DNM3: variants seen among roughly 807,000 people sequenced by gnomAD.
DNM3 encodes the protein dynamin 3, also known as dynamin-3.
Under a neutral mutation model 101.6 loss-of-function variants are expected in DNM3, and 47 were observed. That is an observed-to-expected ratio of 0.46 (90% CI 0.37 to 0.59). The LOEUF (loss-of-function observed/expected upper bound fraction) is 0.59. DNM3 is among the 20% of genes least tolerant of loss of function. The pLI, the probability that DNM3 is intolerant of heterozygous loss-of-function variation, is 0.00. For missense variants in DNM3, 849 were observed against 1,085.7 expected (o/e 0.78, Z 3.06); for synonymous variants, 385 against 387.9 (o/e 0.99, Z 0.09).
chr1:172,214,821 T>G (rs2060636931), intron 14 of DNM3, among the ~76,000 whole-genome samples: 1 of 152,120 alleles, frequency 6.6e-6, no homozygotes, highest in Admixed American at 6.6e-5. Context: ...CTGCAATTAG[T>G]GTATTTTAAA....
At chr1:172,202,707 A>G (rs2148490748) in intron 14 of DNM3, among the ~76,000 whole-genome samples, 1 of 152,280 alleles carries the variant, frequency 6.6e-6, no homozygotes, top group East Asian at 1.9e-4. Context: ...GTCTGAGAAC[A>G]CCACAGATAT....
chr1:171,930,856 C>T (rs1232557114), intron 2 of DNM3, among the ~76,000 whole-genome samples: 1 of 152,180 alleles, frequency 6.6e-6, no homozygotes, highest in East Asian at 1.9e-4. Flanking sequence ...CCATCTTGGC[C>T]ACCTCTCATC....
Position 172,308,848 on chromosome 1 carries a change from G to A in DNM3, c.1881+9G>A. 1 of 1,503,260 alleles carries A rather than the reference G, an allele frequency of 6.7e-7. No individual in the cohort carries two copies. The highest frequency in any genetic ancestry group is 9.2e-7 in the Non-Finnish European group (1 of 1,087,402). 93.1% of individuals were successfully genotyped at this position (1,503,260 alleles called of 1,614,324 possible). A position where few individuals can be genotyped will look rare whatever the true frequency, so the allele number is the denominator to read the frequency against. On this transcript the variant is annotated intron_variant, in intron 16 of 20. Transcript: ENST00000627582. ...ATCCTGACAAATCTGTAGTAAGTTG[G>A]ATATATCTCTTATGTAAAAATTATT...
intron 14 of DNM3, among the ~76,000 whole-genome samples, chr1:172,158,772 A>G (rs1572764808): frequency 2.0e-5 from 3 of 152,194 alleles, no homozygotes; most frequent in Admixed American, 2.0e-4. Flanking sequence ...GTTTGATGTA[A>G]AATAGAGAAA....
intron 2 of DNM3, among the ~76,000 whole-genome samples, chr1:171,955,856 G>A (rs2042819117): frequency 6.6e-6 from 1 of 152,146 alleles, no homozygotes; most frequent in Admixed American, 6.5e-5. Flanking sequence ...GACAATCATG[G>A]CAGAAGGTGA....
intron 2 of DNM3, among the ~76,000 whole-genome samples, chr1:171,981,326 G>C (rs1440611305): frequency 6.6e-6 from 1 of 152,052 alleles, no homozygotes; most frequent in African/African-American, 2.4e-5. Context: ...AAAATTTTGA[G>C]GAACCTTGAT....
At chr1:171,871,759 T>G (rs1209131937) in intron 1 of DNM3, among the ~76,000 whole-genome samples, 2 of 152,170 alleles carry the variant, frequency 1.3e-5, no homozygotes. Context: ...TCTGGAATGT[T>G]AGATTCTGTG....
chr1:172,137,974 T>A (rs936533320), intron 14 of DNM3: 1 of 152,182 alleles, frequency 6.6e-6, no homozygotes, highest in African/African-American at 2.4e-5. Flanking sequence ...ATGAATTGCC[T>A]GAACATCTCA....
chr1:172,306,694 G>T (rs2064834185), intron 15 of DNM3, among the ~76,000 whole-genome samples: 1 of 152,118 alleles, frequency 6.6e-6, no homozygotes, highest in Admixed American at 6.5e-5. Flanking sequence ...ATAGACCAAT[G>T]GGACAGAACA....
At chr1:172,193,078 G>A (rs936287408) in intron 14 of DNM3, among the ~76,000 whole-genome samples, 4 of 151,968 alleles carry the variant, frequency 2.6e-5, no homozygotes, top group Non-Finnish European at 1.5e-5. Flanking sequence ...TCTAACTGGT[G>A]TGAGATGGTA....
intron 14 of DNM3, among the ~76,000 whole-genome samples, chr1:172,136,297 G>A (rs1243994165): frequency 1.3e-5 from 2 of 152,148 alleles, no homozygotes; most frequent in Non-Finnish European, 2.9e-5. Context: ...CAAAATGACA[G>A]TTATATCCCT....
intron 14 of DNM3, among the ~76,000 whole-genome samples, chr1:172,141,499 C>T (rs915610108): frequency 1.3e-5 from 2 of 152,168 alleles, no homozygotes; most frequent in African/African-American, 2.4e-5. Context: ...TAAGTGAAAG[C>T]TTTGGCGTCT....
At chr1:172,067,468 T>G (rs1224576384) in intron 10 of DNM3, among the ~76,000 whole-genome samples, 1 of 152,088 alleles carries the variant, frequency 6.6e-6, no homozygotes, top group Non-Finnish European at 1.5e-5. Context: ...CCTCTCTACT[T>G]TTCTAGCTTT....
At chr1:172,076,585 C>T (rs116216885) in intron 11 of DNM3, among the ~76,000 whole-genome samples, 1,969 of 152,066 alleles carry the variant, frequency 0.013, 41 homozygotes, top group African/African-American at 0.045. Flanking sequence ...ATGTGGTTTA[C>T]GTCATTGATT....
rs1401787641 is a variant in DNM3 at position 172,411,173 on chromosome 1, T to G, written c.*3332T>G. Reference sequence around the variant, plus strand: ...TGTGGTATCAGGATATTTTTTAAACTGTGATAATACAACAGATAGCTTTGA... The same window carrying G: ...TGTGGTATCAGGATATTTTTTAAACGGTGATAATACAACAGATAGCTTTGA... On this transcript the variant is annotated 3_prime_UTR_variant, in exon 21 of 21. Coordinates refer to ENST00000627582, the MANE Select transcript of DNM3 (RefSeq NM_015569.5). 1.0e-6 allele frequency: 1 copy of G among 985,268 alleles called. No individual in the cohort carries two copies. Among genetic ancestry groups the G allele is most frequent in the East Asian group, 1.1e-4 (1 of 8,820 alleles). The allele number at this position is 985,268 out of a possible 1,614,324, so 61.0% of individuals were successfully genotyped here. A position where few individuals can be genotyped will look rare whatever the true frequency, so the allele number is the denominator to read the frequency against.
At chr1:172,264,995 G>T (rs1372117928) in intron 15 of DNM3, among the ~76,000 whole-genome samples, 1 of 152,136 alleles carries the variant, frequency 6.6e-6, no homozygotes, top group African/African-American at 2.4e-5. Flanking sequence ...ATTGTGTAGG[G>T]ATTTCAGTTT....
intron 13 of DNM3, among the ~76,000 whole-genome samples, chr1:172,130,677 T>C (rs912349255): frequency 6.6e-6 from 1 of 152,184 alleles, no homozygotes; most frequent in Admixed American, 6.6e-5. Context: ...TATTTAGGAC[T>C]AACAAGGGGC....
At position 172,237,932 on chromosome 1, in the gene DNM3, C is replaced by T. The variant is rs576854085; in HGVS notation, c.1660-15641C>T. On this transcript the variant is annotated intron_variant, in intron 14 of 20. Coordinates refer to ENST00000627582, the MANE Select transcript of DNM3 (RefSeq NM_015569.5). ...CTCAGGCTCCCCTGTACTGGGTGAC[C>T]CCACCAGTCTGCTGCCACTTTCATT... is the stretch of plus-strand genomic sequence containing the variant. Among the ~76,000 whole-genome samples, 274 of 152,212 alleles carry T rather than the reference C, an allele frequency of 1.8e-3. 1 individual carries two copies. The highest frequency in any genetic ancestry group is 6.0e-3 in the African/African-American group (251 of 41,552).
chr1:172,188,205 C>T (rs2148423295), intron 14 of DNM3, among the ~76,000 whole-genome samples: 1 of 152,172 alleles, frequency 6.6e-6, no homozygotes, highest in Admixed American at 6.6e-5. Flanking sequence ...TGATATTACT[C>T]CTATTTCACA....
Sources: gnomAD v4.1 joint callset for allele counts (sites outside exome capture counted in the v4.1 genomes callset) on GRCh38, gnomAD v4.1.1 for gene constraint, MANE v1.5 for transcripts, NCBI Gene and HGNC (gene_info 2026-07-23, HGNC 2026-07-21) for gene names.